Variants in DACH2 observed in about 807,000 individuals in gnomAD.
DACH2 encodes dachshund family transcription factor 2, also known as dachshund homolog 2.
A neutral mutation model predicts 35.8 loss-of-function variants in DACH2; 17 were observed. The ratio of observed to expected loss-of-function variants is 0.48; its 90% CI spans 0.33 to 0.71. The LOEUF is 0.71. Among genes scored for constraint, DACH2 ranks in the 30% least tolerant of loss-of-function variants. DACH2 has a pLI of 0.02. For synonymous variants in DACH2, 195 were observed against 177.3 expected (o/e 1.10, Z -0.79); for missense variants, 469 against 472.7 (o/e 0.99, Z 0.07).
chrX:86,293,142 A>T (rs1289029798), intron 1 of DACH2, among the ~76,000 whole-genome samples: 1 of 96,755 alleles, frequency 1.0e-5, no homozygotes, highest in African/African-American at 3.9e-5. Flanking sequence ...TAGGATAGTT[A>T]GCTTTTCTTG....
intron 1 of DACH2, among the ~76,000 whole-genome samples, chrX:86,180,036 A>G (rs1447893898): frequency 9.3e-6 from 1 of 107,105 alleles, no homozygotes; most frequent in Non-Finnish European, 1.9e-5. Context: ...TTTTTAGCAC[A>G]TTAGTCCTAT....
intron 1 of DACH2, among the ~76,000 whole-genome samples, chrX:86,349,293 C>G (rs2035550604): frequency 9.0e-6 from 1 of 111,405 alleles, no homozygotes; most frequent in Non-Finnish European, 1.9e-5. Context: ...CATTTCGCCT[C>G]GCCGGTTGAT....
intron 1 of DACH2, among the ~76,000 whole-genome samples, chrX:86,259,375 T>G (rs1274649537): frequency 9.0e-6 from 1 of 111,674 alleles, no homozygotes; most frequent in Non-Finnish European, 1.9e-5. Context: ...ATTTACATAT[T>G]AATTCCATGA....
intron 2 of DACH2, among the ~76,000 whole-genome samples, chrX:86,381,149 T>C (rs1262182913): frequency 9.1e-6 from 1 of 110,317 alleles, no homozygotes; most frequent in Non-Finnish European, 1.9e-5. Context: ...TCAACTTTAA[T>C]GGTTACTGCC....
At chrX:86,819,236 ATG>A in intron 11 of DACH2, among the ~76,000 whole-genome samples, 1 of 109,844 alleles carries the variant, frequency 9.1e-6, no homozygotes, top group South Asian at 3.8e-4. Flanking sequence ...TGATCACGCA[ATG>A]TGTATATACT....
intron 7 of DACH2, among the ~76,000 whole-genome samples, chrX:86,773,061 A>T (rs764730678): frequency 9.0e-6 from 1 of 111,324 alleles, no homozygotes; most frequent in African/African-American, 3.2e-5. Context: ...CACAAATCCA[A>T]CCTTAAATTA....
At chrX:86,607,818 C>A (rs2039879523) in intron 3 of DACH2, among the ~76,000 whole-genome samples, 1 of 100,138 alleles carries the variant, frequency 1.0e-5, no homozygotes, top group Non-Finnish European at 2.0e-5. Context: ...TTGTTCAATT[C>A]TCACCTATAA....
intron 3 of DACH2, among the ~76,000 whole-genome samples, chrX:86,636,378 G>A (rs758095239): frequency 3.7e-5 from 4 of 109,077 alleles, no homozygotes; most frequent in South Asian, 3.9e-4. Context: ...AACGCGGGAG[G>A]CAGAGGTTGC....
At chrX:86,508,023 A>G (rs1399224573) in intron 2 of DACH2, among the ~76,000 whole-genome samples, 1 of 111,604 alleles carries the variant, frequency 9.0e-6, no homozygotes, top group Non-Finnish European at 1.9e-5. Context: ...GAGCATTCCT[A>G]TATTGCTGAC....
intron 3 of DACH2, among the ~76,000 whole-genome samples, chrX:86,619,254 G>A (rs1407414278): frequency 9.0e-6 from 1 of 111,419 alleles, no homozygotes; most frequent in Non-Finnish European, 1.9e-5. Flanking sequence ...AATTACCTTT[G>A]AAAAAGCCAT....
In DACH2 at chrX:86,516,184, A is replaced by G. The variant is rs182314013; in HGVS notation, c.640+1793A>G. ...GCCCTGTGCATATAAATGAAGATAGAAAGCATAACAACATCTGAAATATAT... is the reference window on the plus strand; with the variant it reads ...GCCCTGTGCATATAAATGAAGATAGGAAGCATAACAACATCTGAAATATAT... On this transcript the variant is annotated intron_variant, in intron 3 of 11. Coordinates refer to ENST00000373125, the MANE Select transcript of DACH2 (RefSeq NM_053281.3). Among the ~76,000 whole-genome samples, 9 of 112,047 alleles carry G rather than the reference A, an allele frequency of 8.0e-5. No individual in the cohort carries two copies. The East Asian group carries it at 2.0e-3, about 24-fold the overall frequency.
chrX:86,454,271 A>C (rs746139609), intron 2 of DACH2, among the ~76,000 whole-genome samples: 3 of 111,123 alleles, frequency 2.7e-5, no homozygotes, highest in African/African-American at 9.8e-5. Flanking sequence ...GGACCTTATC[A>C]TGGAGTATCT....
At chrX:86,647,322 T>C (rs73506370) in intron 3 of DACH2, among the ~76,000 whole-genome samples, 1 of 111,137 alleles carries the variant, frequency 9.0e-6, no homozygotes, top group African/African-American at 3.2e-5. Flanking sequence ...TTATATATTA[T>C]ATACAATGGA....
At chrX:86,706,344 A>G (rs1335707941) in intron 5 of DACH2, among the ~76,000 whole-genome samples, 1 of 111,474 alleles carries the variant, frequency 9.0e-6, no homozygotes, top group East Asian at 2.8e-4. Context: ...GTTATAAAGG[A>G]CTGAAAGGAG....
At chrX:86,349,355 T>A (rs1486577792) in intron 1 of DACH2, among the ~76,000 whole-genome samples, 1 of 111,919 alleles carries the variant, frequency 8.9e-6, no homozygotes, top group Non-Finnish European at 1.9e-5. Flanking sequence ...ACCTGTGTGT[T>A]CCTCTCTACA....
intron 1 of DACH2, among the ~76,000 whole-genome samples, chrX:86,313,498 A>G (rs189046927): frequency 3.1e-4 from 35 of 112,120 alleles, no homozygotes; most frequent in Admixed American, 2.9e-3. Flanking sequence ...AGCTCTGAAG[A>G]AAACACCGAC....
chrX:86,326,808 G>A (rs887543272), intron 1 of DACH2, among the ~76,000 whole-genome samples: 2 of 111,528 alleles, frequency 1.8e-5, no homozygotes, highest in African/African-American at 6.5e-5. Flanking sequence ...TTTATTAAGG[G>A]ATTTTTACAT....
intron 1 of DACH2, among the ~76,000 whole-genome samples, chrX:86,315,832 C>CAGAG (rs1195573552): frequency 6.2e-4 from 47 of 75,449 alleles, no homozygotes; most frequent in Middle Eastern, 5.8e-3. Context: ...CACACACACA[C>CAGAG]ACACACACAG....
At chrX:86,753,111 T>C (rs2041792061) in intron 7 of DACH2, among the ~76,000 whole-genome samples, 1 of 110,855 alleles carries the variant, frequency 9.0e-6, no homozygotes, top group Non-Finnish European at 1.9e-5. Context: ...GGTTCATTTA[T>C]TGTTTTAAAA....
Sources: allele counts gnomAD v4.1 joint callset (sites outside exome capture counted in the v4.1 genomes callset), GRCh38; gene constraint gnomAD v4.1.1; transcripts MANE v1.5; gene names NCBI Gene and HGNC (gene_info 2026-07-23, HGNC 2026-07-21).